The following NCOA7 variants were observed in gnomAD, a reference collection of about 807,000 sequenced individuals.
NCOA7 encodes the protein 140 kDa estrogen receptor-associated protein.
Under a neutral mutation model 104.3 loss-of-function variants are expected in NCOA7, and 45 were observed. That is an observed-to-expected ratio of 0.43 (90% CI 0.34 to 0.55). The LOEUF (loss-of-function observed/expected upper bound fraction) is 0.55, where lower values mean the gene tolerates loss of function less well. Ranked by LOEUF, NCOA7 falls within the 20% of genes least tolerant of loss-of-function variation. NCOA7 has a pLI of 0.02. For missense variants in NCOA7, 1,041 were observed against 1,119.7 expected (o/e 0.93, Z 1.00); for synonymous variants, 398 against 402.3 (o/e 0.99, Z 0.13).
chr6:125,799,809 G>A (rs1045447500), intron 1 of NCOA7, among the ~76,000 whole-genome samples: 11 of 152,240 alleles, frequency 7.2e-5, no homozygotes, highest in Admixed American at 6.5e-4. Context: ...TTCTAGCATA[G>A]CATTATCCAC....
chr6:125,919,275 A>G, intron 11 of NCOA7: 2 of 1,611,900 alleles, frequency 1.2e-6, no homozygotes, highest in South Asian at 1.1e-5. Flanking sequence ...CAGCGTGGCT[A>G]CAAGTAACTG....
At chr6:125,805,127 G>T (rs1027056841) in intron 1 of NCOA7, among the ~76,000 whole-genome samples, 1 of 115,004 alleles carries the variant, frequency 8.7e-6, no homozygotes, top group Non-Finnish European at 1.6e-5. Flanking sequence ...ACAGAGTCTC[G>T]CTCCGTCGCC....
intron 13 of NCOA7, among the ~76,000 whole-genome samples, chr6:125,926,574 A>G (rs186893828): frequency 2.2e-4 from 34 of 152,230 alleles, no homozygotes; most frequent in Non-Finnish European, 3.7e-4. Context: ...TTACTGTGCT[A>G]TATTTCTTTG....
intron 1 of NCOA7, among the ~76,000 whole-genome samples, chr6:125,808,005 A>G (rs1776617430): frequency 6.6e-6 from 1 of 152,148 alleles, no homozygotes; most frequent in African/African-American, 2.4e-5. Flanking sequence ...GTGCAGTTAC[A>G]TGTGTTTTCC....
At chr6:125,825,801 C>T (rs772287504) in intron 2 of NCOA7, among the ~76,000 whole-genome samples, 10 of 152,016 alleles carry the variant, frequency 6.6e-5, no homozygotes, top group Non-Finnish European at 1.2e-4. Context: ...CAACTGCTGT[C>T]ACTAGACAAT....
intron 8 of NCOA7, among the ~76,000 whole-genome samples, chr6:125,886,039 G>A (rs952590289): frequency 6.6e-6 from 1 of 151,784 alleles, no homozygotes; most frequent in African/African-American, 2.4e-5. Context: ...CTGTCCTTTC[G>A]CTCTACTGTG....
At chr6:125,793,302 A>C (rs189972289) in intron 1 of NCOA7, among the ~76,000 whole-genome samples, 1 of 152,328 alleles carries the variant, frequency 6.6e-6, no homozygotes, top group African/African-American at 2.4e-5. Context: ...AAGCTTTTCA[A>C]AAAAGCCCTC....
intron 15 of NCOA7, 152 bp downstream of exon 15, chr6:125,928,399 G>T: frequency 1.3e-6 from 1 of 799,082 alleles, no homozygotes; most frequent in Admixed American, 2.8e-5. Context: ...AACACAGAAT[G>T]GCCTAACTAA....
intron 1 of NCOA7, among the ~76,000 whole-genome samples, chr6:125,781,853 G>C (rs1774241045): frequency 6.6e-6 from 1 of 152,096 alleles, no homozygotes; most frequent in African/African-American, 2.4e-5. Context: ...CACATATCTG[G>C]TTCATTTTCC....
At chr6:125,911,773 C>G (rs986667905) in intron 10 of NCOA7, among the ~76,000 whole-genome samples, 1 of 152,198 alleles carries the variant, frequency 6.6e-6, no homozygotes, top group Admixed American at 6.5e-5. Flanking sequence ...CAATCAGATT[C>G]AAGTGGCTCA....
intron 1 of NCOA7, among the ~76,000 whole-genome samples, chr6:125,783,374 G>A (rs1378557022): frequency 1.3e-5 from 2 of 152,184 alleles, no homozygotes; most frequent in East Asian, 3.8e-4. Flanking sequence ...TTAGCCAATG[G>A]GTTTAGCATT....
intron 2 of NCOA7, among the ~76,000 whole-genome samples, chr6:125,845,264 A>G (rs1780504103): frequency 6.6e-6 from 1 of 152,154 alleles, no homozygotes; most frequent in Non-Finnish European, 1.5e-5. Context: ...GACCAGCTCT[A>G]TCTGATTTAA....
chr6:125,818,367 CT>C (rs1777799114), intron 2 of NCOA7, among the ~76,000 whole-genome samples: 1 of 152,138 alleles, frequency 6.6e-6, no homozygotes, highest in African/African-American at 2.4e-5. Flanking sequence ...GTAAAATTGT[CT>C]TGCTTATCAT....
intron 10 of NCOA7, among the ~76,000 whole-genome samples, chr6:125,912,490 G>T (rs1031555746): frequency 6.6e-6 from 1 of 152,204 alleles, no homozygotes; most frequent in African/African-American, 2.4e-5. Context: ...AAAAAGGTGG[G>T]ACACTAGGGT....
intron 1 of NCOA7, among the ~76,000 whole-genome samples, chr6:125,814,623 G>A (rs901969636): frequency 6.6e-6 from 1 of 152,162 alleles, no homozygotes; most frequent in Non-Finnish European, 1.5e-5. Flanking sequence ...TGGTATTTGA[G>A]GAAGCTTGAT....
intron 14 of NCOA7, 23 bp from the exon 15 acceptor site, chr6:125,928,151 C>CT (rs1788201516): frequency 2.5e-6 from 4 of 1,589,986 alleles, no homozygotes; most frequent in Non-Finnish European, 3.4e-6. Flanking sequence ...TGTCTGTTTT[C>CT]TTTTTTGTGT....
intron 8 of NCOA7, among the ~76,000 whole-genome samples, chr6:125,885,657 C>G (rs1262280531): frequency 6.6e-6 from 1 of 152,184 alleles, no homozygotes; most frequent in African/African-American, 2.4e-5. Context: ...AGGCAGTTCT[C>G]TGAAAGAAGT....
intron 10 of NCOA7, among the ~76,000 whole-genome samples, chr6:125,900,294 T>G (rs1785389118): frequency 6.6e-6 from 1 of 152,222 alleles, no homozygotes; most frequent in Non-Finnish European, 1.5e-5. Flanking sequence ...TTAAAGATAG[T>G]GAGCAGAGCA....
intron 10 of NCOA7, among the ~76,000 whole-genome samples, chr6:125,914,847 T>C (rs558372044): frequency 1.8e-4 from 28 of 152,338 alleles, no homozygotes; most frequent in African/African-American, 4.6e-4. Flanking sequence ...ATTAAAATAG[T>C]AGCCAGTATT....
Sources: allele counts gnomAD v4.1 joint callset (sites outside exome capture counted in the v4.1 genomes callset), GRCh38; gene constraint gnomAD v4.1.1; transcripts MANE v1.5; gene names NCBI Gene and HGNC (gene_info 2026-07-23, HGNC 2026-07-21).